Variants in RUFY2 observed in about 807,000 individuals in gnomAD.
RUFY2 encodes the protein RUN and FYVE domain-containing protein 2.
RUFY2 carries 49 observed loss-of-function variants against 94.4 expected under a neutral mutation model. That is an observed-to-expected ratio of 0.52 (90% CI 0.41 to 0.66). The LOEUF (loss-of-function observed/expected upper bound fraction) is 0.66. Ranked by LOEUF, RUFY2 falls within the 30% of genes least tolerant of loss-of-function variation. The pLI is 0.00. For synonymous variants in RUFY2, 255 were observed against 235.7 expected (o/e 1.08, Z -0.75); for missense variants, 541 against 692.8 (o/e 0.78, Z 2.46).
chr10:68,404,826 GC>G lies in RUFY2; in HGVS notation c.22del (p.Ala8LeufsTer2), dbSNP rs761163906. On this transcript the variant is annotated frameshift_variant, in exon 2 of 18. Transcript: ENST00000602465. LOFTEE classifies it high-confidence loss of function. ...GTTTAACAAGTTTGCTCTCTCTACAGCTGTGGGGTCTTTTGTAGCTGAAAAC... is the reference window on the plus strand; with the variant it reads ...GTTTAACAAGTTTGCTCTCTCTACAGTGTGGGGTCTTTTGTAGCTGAAAAC... MATKDPT[A>X]VERANLLNMA... 1 of 1,575,034 alleles carries G rather than the reference GC, an allele frequency of 6.3e-7. No individual in the cohort carries two copies. The highest frequency in any genetic ancestry group is 8.6e-7 in the Non-Finnish European group (1 of 1,162,272).
intron 15 of RUFY2, among the ~76,000 whole-genome samples, chr10:68,359,457 T>C (rs770272072): frequency 4.8e-4 from 59 of 122,030 alleles, no homozygotes; most frequent in Middle Eastern, 7.9e-3. Context: ...ATATACATAG[T>C]AGTAATGCTA....
chr10:68,384,721 C>T (rs1453294703), intron 8 of RUFY2, among the ~76,000 whole-genome samples: 1 of 152,002 alleles, frequency 6.6e-6, no homozygotes, highest in Non-Finnish European at 1.5e-5. Flanking sequence ...ACTCTGAGGC[C>T]CAGAATGGAA....
intron 11 of RUFY2, among the ~76,000 whole-genome samples, chr10:68,380,871 C>G (rs1027306058): frequency 1.3e-5 from 2 of 151,726 alleles, no homozygotes; most frequent in East Asian, 1.9e-4. Context: ...CAAAAAAAAA[C>G]AAAGAAAGAA....
At chr10:68,341,935 C>T (rs771754327), downstream of RUFY2, 2 of 1,597,606 alleles carry the variant, frequency 1.3e-6, no homozygotes, top group East Asian at 2.2e-5. Flanking sequence ...TTATTTTATG[C>T]AGATATCTCC....
rs895703140 is a variant in RUFY2 at position 68,344,185 on chromosome 10, T to A, written c.*1583A>T. On this transcript the variant is annotated 3_prime_UTR_variant, in exon 18 of 18. Transcript: ENST00000602465. ...GGAAATTTACGGGTTTTGGAAAAAA[T>A]AGATCTTCAAGTAAAATATTCATTT... The A allele has an allele frequency of 1.3e-5, 2 of 152,002 alleles. No individual in the cohort carries two copies. Among genetic ancestry groups the A allele is most frequent in the African/African-American group, 4.8e-5 (2 of 41,350 alleles). 9.4% of individuals were successfully genotyped at this position (152,002 alleles called of 1,614,324 possible).
At chr10:68,346,197 A>AAGTT (rs1491572031) in intron 16 of RUFY2, 113 bp from the exon 17 acceptor site, 1 of 785,230 alleles carries the variant, frequency 1.3e-6, no homozygotes, top group African/African-American at 1.8e-5. Context: ...AATGGAAAAT[A>AAGTT]AGTTATTTTC....
chr10:68,354,088 G>C (rs1262499328), intron 16 of RUFY2, among the ~76,000 whole-genome samples: 1 of 152,090 alleles, frequency 6.6e-6, no homozygotes, highest in African/African-American at 2.4e-5. Flanking sequence ...GGCAGATAAA[G>C]GGCAAGGGAG....
In RUFY2 at chr10:68,384,063, C is replaced by T; in HGVS notation, c.810G>A (p.Gln270=). The T allele has an allele frequency of 6.2e-7, 1 of 1,612,614 alleles. No homozygotes were observed. Among genetic ancestry groups the T allele is most frequent in the Middle Eastern group, 1.7e-4 (1 of 5,998 alleles). ...AGTCTATACTTACCTCTAGGTGCTG[C>T]TGTGTTTTCATTAAAATCAATTTAT... ...SENKLILMKT[Q]QHLEVTKVDV... The change falls in exon 9 of 18, where the codon CAG becomes CAA. Residue 270 remains glutamine, a synonymous_variant. Coordinates refer to ENST00000602465, the MANE Select transcript of RUFY2 (RefSeq NM_001330103.2).
chr10:68,398,002 CTG>C (rs1028110470), intron 3 of RUFY2, among the ~76,000 whole-genome samples: 3 of 151,348 alleles, frequency 2.0e-5, no homozygotes, highest in African/African-American at 7.3e-5. Flanking sequence ...TGGTGGGTGT[CTG>C]TAATCCCAGC....
At chr10:68,385,778 T>A (rs2049450301) in intron 8 of RUFY2, among the ~76,000 whole-genome samples, 1 of 152,188 alleles carries the variant, frequency 6.6e-6, no homozygotes, top group African/African-American at 2.4e-5. Context: ...AAATCACAGC[T>A]TATCTACTGA....
chr10:68,400,072 G>A (rs970658006), intron 3 of RUFY2, among the ~76,000 whole-genome samples: 1 of 152,110 alleles, frequency 6.6e-6, no homozygotes, highest in Admixed American at 6.5e-5. Context: ...GAGCCACTGC[G>A]CTGGGCCAAT....
intron 6 of RUFY2, 92 bp from the exon 7 acceptor site, chr10:68,393,295 AAAT>A (rs1482072924): frequency 4.0e-5 from 24 of 602,298 alleles, no homozygotes; most frequent in Non-Finnish European, 6.2e-5. Context: ...TATAAAACTA[AAAT>A]AATAAAACAT....
chr10:68,376,791 G>A, intron 13 of RUFY2, 62 bp downstream of exon 13: 1 of 1,464,674 alleles, frequency 6.8e-7, no homozygotes, highest in Non-Finnish European at 9.5e-7. Flanking sequence ...CTATCATTAT[G>A]TGCAAAAAAA....
intron 8 of RUFY2, 99 bp downstream of exon 8, chr10:68,385,952 ATGAGTGTG>A (rs2049464178): frequency 1.7e-6 from 1 of 605,598 alleles, no homozygotes; most frequent in Non-Finnish European, 2.9e-6. Flanking sequence ...CATCACAATG[ATGAGTGTG>A]TGTTCGTGTG....
At chr10:68,351,878 G>A (rs1289964125) in intron 16 of RUFY2, among the ~76,000 whole-genome samples, 1 of 151,478 alleles carries the variant, frequency 6.6e-6, no homozygotes, top group African/African-American at 2.4e-5. Flanking sequence ...CTAACATGGT[G>A]AAACCCTATC....
chr10:68,345,887 T>C lies in RUFY2; in HGVS notation c.1702A>G (p.Ile568Val), dbSNP rs1332294399. Reference sequence around the variant, plus strand: ...TTGTCAGAGCAGGCATTACAGAAAATTTCCCCACAATTTCTACAGTGGTGC... The same window carrying C: ...TTGTCAGAGCAGGCATTACAGAAAACTTCCCCACAATTTCTACAGTGGTGC... ...RKHHCRNCGE[I>V]FCNACSDNEL... Residue 568 changes from isoleucine to valine, a missense_variant, in exon 18 of 18, where the codon ATT (isoleucine) becomes GTT (valine). Transcript: ENST00000602465. 1.2e-6 allele frequency: 2 copies of C among 1,614,056 alleles called. No homozygotes were observed. The highest frequency in any genetic ancestry group is 4.5e-5 in the East Asian group (2 of 44,858).
intron 5 of RUFY2, 38 bp downstream of exon 5, chr10:68,394,289 GA>G: frequency 6.2e-7 from 1 of 1,613,038 alleles, no homozygotes; most frequent in Non-Finnish European, 8.5e-7. Context: ...TGTGCAAACT[GA>G]AAACACTCTG....
rs1428870692 is a variant in RUFY2, at chr10:68,407,214, G to A, written c.-25C>T. ...TGGCGGCGGCGGCTGCGCGGTCTCG[G>A]GCGGAGGCTCCCTCGGCCTGTCCAG... On this transcript the variant is annotated 5_prime_UTR_variant, in exon 1 of 18. Transcript: ENST00000602465. 2 of 1,401,558 alleles carry A rather than the reference G, an allele frequency of 1.4e-6. No individual in the cohort carries two copies. The highest frequency in any genetic ancestry group is 1.8e-6 in the Non-Finnish European group (2 of 1,089,984). 86.8% of individuals were successfully genotyped at this position (1,401,558 alleles called of 1,614,324 possible). A position where few individuals can be genotyped will look rare whatever the true frequency, so the allele number is the denominator to read the frequency against.
chr10:68,380,014 T>C (rs745373159), intron 11 of RUFY2, among the ~76,000 whole-genome samples: 1 of 152,094 alleles, frequency 6.6e-6, no homozygotes, highest in Non-Finnish European at 1.5e-5. Context: ...TTCACTGTGT[T>C]AGTCAGGATG....
Sources: gnomAD v4.1 joint callset for allele counts (sites outside exome capture counted in the v4.1 genomes callset) on GRCh38, gnomAD v4.1.1 for gene constraint, MANE v1.5 for transcripts, NCBI Gene and HGNC (gene_info 2026-07-23, HGNC 2026-07-21) for gene names.